Variants in BSN observed in about 807,000 individuals in gnomAD.
The protein encoded by BSN is protein bassoon.
In BSN, 57 loss-of-function variants were observed where a neutral mutation model predicts 264.8. The observed-to-expected ratio is 0.22, with a 90% CI of 0.17 to 0.27. BSN has a LOEUF of 0.27. Ranked by LOEUF, BSN falls within the 10% of genes least tolerant of loss-of-function variation. The pLI is 1.00. For synonymous variants in BSN, 2,059 were observed against 2,137.3 expected (o/e 0.96, Z 1.01); for missense variants, 4,615 against 5,232.5 (o/e 0.88, Z 3.64).
chr3:49,665,480 G>A (rs1383190199), intron 11 of BSN, among the ~76,000 whole-genome samples, 162 bp downstream of exon 11: 2 of 152,210 alleles, frequency 1.3e-5, no homozygotes, highest in East Asian at 3.8e-4. Flanking sequence ...CAGAGGCAGG[G>A]GCCACAGAGC....
intron 1 of BSN, among the ~76,000 whole-genome samples, chr3:49,620,396 G>A (rs2052295417): frequency 6.6e-6 from 1 of 151,398 alleles, no homozygotes; most frequent in Admixed American, 6.6e-5. Flanking sequence ...CTGTACTCCA[G>A]CCTGGGCGAC....
At chr3:49,595,748 A>G (rs1460901600) in intron 1 of BSN, among the ~76,000 whole-genome samples, 1 of 151,908 alleles carries the variant, frequency 6.6e-6, no homozygotes, top group African/African-American at 2.4e-5. Context: ...CTTCACCTTC[A>G]TTGTTTGTAT....
At chr3:49,561,075 C>A (rs765813170) in intron 1 of BSN, among the ~76,000 whole-genome samples, 1 of 152,128 alleles carries the variant, frequency 6.6e-6, no homozygotes, top group Admixed American at 6.5e-5. Context: ...GACCTGGGGC[C>A]CCTACTTCTT....
At position 49,663,344 on chromosome 3, in the gene BSN, A is replaced by G; in HGVS notation, c.11186A>G (p.His3729Arg). The G allele has an allele frequency of 1.2e-6, 2 of 1,613,682 alleles. No individual in the cohort carries two copies. Among genetic ancestry groups the G allele is most frequent in the East Asian group, 2.2e-5 (1 of 44,884 alleles). The change falls in exon 7 of 12, where the codon CAC (histidine) becomes CGC (arginine). Residue 3729 changes from histidine (H) to arginine (R), a missense_variant. By Grantham distance (29) the His-to-Arg change is conservative. Coordinates refer to ENST00000296452, the MANE Select transcript of BSN (RefSeq NM_003458.4). ...AGCAAGAAGGGCTCCCGGCAAGCCC[A>G]CTCCGGGCCCGCTGCACTGCAGTCA... ...SDSKKGSRQA[H>R]SGPAALQSKA...
chr3:49,658,146 G>T lies in BSN; in HGVS notation c.8590G>T (p.Ala2864Ser), dbSNP rs748481668. ...KPLSPTAEESAKERFSLYQHQ... is the reference protein window; with the variant it reads ...KPLSPTAEESSKERFSLYQHQ... The stretch of plus-strand genomic sequence containing the variant: ...CCTCAGCCCCACCGCCGAAGAGTCT[G>T]CCAAAGAGAGATTCTCCCTCTACCA... Residue 2864 changes from alanine to serine, a missense_variant, in exon 5 of 12, where the codon GCC becomes TCC. Ala to Ser is a moderately conservative substitution (Grantham distance 99). Coordinates refer to ENST00000296452, the MANE Select transcript of BSN (RefSeq NM_003458.4). The T allele has an allele frequency of 6.3e-7, 1 of 1,598,958 alleles. No individual in the cohort carries two copies. The highest frequency in any genetic ancestry group is 1.7e-5 in the Admixed American group (1 of 58,740).
At chr3:49,577,026 T>C (rs2108012388) in intron 1 of BSN, among the ~76,000 whole-genome samples, 1 of 152,338 alleles carries the variant, frequency 6.6e-6, no homozygotes, top group Middle Eastern at 3.4e-3. Flanking sequence ...GTGCAGTCCA[T>C]CTCCACCTTG....
At chr3:49,610,497 T>C (rs2052197431) in intron 1 of BSN, among the ~76,000 whole-genome samples, 1 of 147,496 alleles carries the variant, frequency 6.8e-6, no homozygotes, top group Non-Finnish European at 1.5e-5. Context: ...GTCAGGAGAA[T>C]TGCTTGAACC....
In BSN at chr3:49,653,543, A is replaced by G. The variant is rs775757296; in HGVS notation, c.3987A>G (p.Ser1329=). ...APVSFSTPTS[S]DSSGGRVIPD... ...TGTCCTTCTCTACCCCCACCTCCTC[A>G]GACAGCAGCGGGGGCCGAGTTATTC... The change falls in exon 5 of 12, where the codon TCA becomes TCG. Residue 1329 remains serine (S), a synonymous_variant. Transcript: ENST00000296452. The surrounding 1 kb of genome is among the most constrained non-coding windows in gnomAD (Gnocchi z 6.3). 4.3e-6 allele frequency: 7 copies of G among 1,613,796 alleles called. No homozygotes were observed. The East Asian group carries it at 1.3e-4, about 31-fold the overall frequency.
intron 1 of BSN, among the ~76,000 whole-genome samples, chr3:49,581,584 G>C (rs1446920824): frequency 1.3e-5 from 2 of 152,144 alleles, no homozygotes; most frequent in Non-Finnish European, 2.9e-5. Flanking sequence ...CCAGCACTTG[G>C]GGAAGCCGAG....
At chr3:49,629,816 C>T (rs999903764) in intron 2 of BSN, among the ~76,000 whole-genome samples, 7 of 152,334 alleles carry the variant, frequency 4.6e-5, no homozygotes, top group East Asian at 3.9e-4. Context: ...TTGCTCTAGT[C>T]AGAATTACTT....
At chr3:49,594,676 A>G (rs1271767314) in intron 1 of BSN, among the ~76,000 whole-genome samples, 2 of 152,132 alleles carry the variant, frequency 1.3e-5, no homozygotes, top group African/African-American at 4.8e-5. Flanking sequence ...GCCTTTCTAC[A>G]TAAATTTTAG....
Position 49,655,066 on chromosome 3 carries a change from C to G in BSN, c.5510C>G (p.Pro1837Arg). The G allele has an allele frequency of 1.9e-6, 3 of 1,613,038 alleles. No homozygotes were observed. The highest frequency in any genetic ancestry group is 2.5e-6 in the Non-Finnish European group (3 of 1,180,034). The change falls in exon 5 of 12, where the codon CCA becomes CGA. Residue 1837 changes from proline (P) to arginine (R), a missense_variant. Around this residue, in one of 3 missense-constraint regions of BSN, gnomAD observed 3,415 missense variants for 3,866.4 expected, o/e 0.88. Coordinates refer to ENST00000296452, the MANE Select transcript of BSN (RefSeq NM_003458.4). ...CTCAAGCCAGGCCCAGTGCCAGAGCCAGGTGCCGAGCCCCACCGGGCCACC... is the reference window on the plus strand; with the variant it reads ...CTCAAGCCAGGCCCAGTGCCAGAGCGAGGTGCCGAGCCCCACCGGGCCACC... ...IGLKPGPVPE[P>R]GAEPHRATPA...
chr3:49,611,201 G>C (rs2052204369), intron 1 of BSN, among the ~76,000 whole-genome samples: 1 of 152,200 alleles, frequency 6.6e-6, no homozygotes. Flanking sequence ...TTGACTTCCA[G>C]ATTGTAGCAA....
In BSN at chr3:49,625,405, C is replaced by G. The variant is rs369380172; in HGVS notation, c.633+22C>G. 3.5e-6 allele frequency: 5 copies of G among 1,445,784 alleles called. No homozygotes were observed. The South Asian group carries it at 7.7e-5, about 22-fold the overall frequency. 89.6% of individuals were successfully genotyped at this position (1,445,784 alleles called of 1,614,324 possible). A position where few individuals can be genotyped will look rare whatever the true frequency, so the allele number is the denominator to read the frequency against. On this transcript the variant is annotated intron_variant, in intron 2 of 11. Transcript: ENST00000296452. The surrounding 1 kb of genome is among the most constrained non-coding windows in gnomAD (Gnocchi z 4.4). ...CCAGGTAACCACTTCTGCGCCGGCTCCCCACTCACCTGCTACCTCATTACC... is the reference window on the plus strand; with the variant it reads ...CCAGGTAACCACTTCTGCGCCGGCTGCCCACTCACCTGCTACCTCATTACC...
In BSN at chr3:49,654,660, C is replaced by T. The variant is rs1231483663; in HGVS notation, c.5104C>T (p.Pro1702Ser). The change falls in exon 5 of 12, where the codon CCA becomes TCA. Residue 1702 changes from proline (P) to serine (S), a missense_variant. Coordinates refer to ENST00000296452, the MANE Select transcript of BSN (RefSeq NM_003458.4). This position sits in a 1 kb window ranked among gnomAD's most constrained non-coding sequence, Gnocchi z 4.1. ...EARKYGLALD[P>S]IPGRQSTAVQ... Reference sequence around the variant, plus strand: ...GAGGAAGTATGGTCTTGCCCTGGATCCAATCCCAGGACGGCAGTCGACCGC... The same window carrying T: ...GAGGAAGTATGGTCTTGCCCTGGATTCAATCCCAGGACGGCAGTCGACCGC... 14 of 1,613,740 alleles carry T rather than the reference C, an allele frequency of 8.7e-6. No individual in the cohort carries two copies. Among genetic ancestry groups the T allele is most frequent in the African/African-American group, 1.3e-5 (1 of 74,930 alleles).
intron 1 of BSN, among the ~76,000 whole-genome samples, chr3:49,614,762 C>G (rs2052246557): frequency 6.6e-6 from 1 of 152,322 alleles, no homozygotes; most frequent in South Asian, 2.1e-4. Context: ...GAAAGTTACC[C>G]TTATGTTACC....
At chr3:49,630,106 G>C (rs1044320418) in intron 2 of BSN, among the ~76,000 whole-genome samples, 1 of 152,262 alleles carries the variant, frequency 6.6e-6, no homozygotes, top group Non-Finnish European at 1.5e-5. Context: ...GGTGCTGTGA[G>C]TTCAGTACAG....
chr3:49,664,838 G>T lies in BSN; in HGVS notation c.11780G>T (p.Ter3927LeuextTer10). Residue 3927 changes from the stop codon to leucine, a stop_lost, in exon 10 of 12, where the codon TGA becomes TTA. Coordinates refer to ENST00000296452, the MANE Select transcript of BSN (RefSeq NM_003458.4). Reference protein sequence around the residue: ...AFGKKFSSFW* With the variant: ...AFGKKFSSFWL ...GGCAAAAAATTTTCCTCATTCTGGT[G>T]ACCATGCCCAGCATGGTGAGTACAA... 6.2e-7 allele frequency: 1 copy of T among 1,611,730 alleles called. No homozygotes were observed. Among genetic ancestry groups the T allele is most frequent in the South Asian group, 1.1e-5 (1 of 91,038 alleles).
chr3:49,584,503 C>G lies in BSN; in HGVS notation c.224+29677C>G, dbSNP rs182113296. 4.9e-4 allele frequency among the ~76,000 whole-genome samples: 75 copies of G among 151,800 alleles called. 1 individual carries two copies. The East Asian group carries it at 0.013, about 27-fold the overall frequency. On this transcript the variant is annotated intron_variant, in intron 1 of 11. Transcript: ENST00000296452. ...ATTTTCTATTTTTCATTTTTTTGGG[C>G]ACTTAGTAGGTGTATATATTTATAA...
Sources: allele counts gnomAD v4.1 joint callset (sites outside exome capture counted in the v4.1 genomes callset), GRCh38; gene constraint gnomAD v4.1.1; regional missense constraint gnomAD v4.1.1; non-coding constraint Gnocchi (gnomAD v3.1); transcripts MANE v1.5; gene names NCBI Gene and HGNC (gene_info 2026-07-23, HGNC 2026-07-21).